Variants in CSMD1 observed in about 807,000 individuals in gnomAD.
CSMD1 encodes CUB and Sushi multiple domains 1.
In CSMD1, 213 loss-of-function variants were observed where a neutral mutation model predicts 417.5. The observed-to-expected ratio is 0.51, with a 90% confidence interval of 0.46 to 0.57. CSMD1 has a LOEUF of 0.57. Ranked by LOEUF, CSMD1 falls within the 20% of genes least tolerant of loss-of-function variation. The pLI is 0.00. For missense variants in CSMD1, 6,923 were observed against 4,529.7 expected (o/e 1.53, Z -15.17); for synonymous variants, 2,862 against 1,736.8 (o/e 1.65, Z -16.11).
intron 2 of CSMD1, among the ~76,000 whole-genome samples, chr8:4,504,539 T>C (rs1027768822): frequency 1.3e-5 from 2 of 152,242 alleles, no homozygotes; most frequent in Admixed American, 1.3e-4. Flanking sequence ...TAAATATACA[T>C]GTGCCATGAT....
chr8:4,156,059 G>T (rs893696228), intron 3 of CSMD1, among the ~76,000 whole-genome samples: 1 of 152,104 alleles, frequency 6.6e-6, no homozygotes, highest in Non-Finnish European at 1.5e-5. Context: ...GATTCCTACA[G>T]AAATGGAATT....
intron 12 of CSMD1, among the ~76,000 whole-genome samples, chr8:3,419,432 G>A (rs960781950): frequency 1.3e-5 from 2 of 152,116 alleles, no homozygotes; most frequent in African/African-American, 4.8e-5. Flanking sequence ...TAGAATTTCT[G>A]TTTTTCAAGT....
At chr8:3,967,680 G>T (rs1319134050) in intron 5 of CSMD1, among the ~76,000 whole-genome samples, 1 of 152,026 alleles carries the variant, frequency 6.6e-6, no homozygotes, top group Non-Finnish European at 1.5e-5. Flanking sequence ...AATACGTGCT[G>T]GGGTGAGCTT....
intron 8 of CSMD1, among the ~76,000 whole-genome samples, chr8:3,615,871 G>T (rs973688062): frequency 3.3e-5 from 5 of 152,002 alleles, no homozygotes; most frequent in African/African-American, 1.2e-4. Flanking sequence ...TTGTAAGATG[G>T]AAAATGTTAC....
intron 54 of CSMD1, among the ~76,000 whole-genome samples, chr8:2,986,672 T>C (rs576151106): frequency 1.3e-5 from 2 of 151,884 alleles, no homozygotes; most frequent in Admixed American, 6.6e-5. Context: ...GCCCAGCTAA[T>C]TTTTTGTATT....
intron 3 of CSMD1, among the ~76,000 whole-genome samples, chr8:4,166,740 C>T (rs964556998): frequency 1.3e-5 from 2 of 152,030 alleles, no homozygotes; most frequent in African/African-American, 4.8e-5. Flanking sequence ...CACCTATTGC[C>T]CCAAAACTAT....
chr8:4,262,726 C>A (rs999069855), intron 3 of CSMD1, among the ~76,000 whole-genome samples: 2 of 152,156 alleles, frequency 1.3e-5, no homozygotes, highest in South Asian at 2.1e-4. Flanking sequence ...AATCCACTTC[C>A]CTTTTGGCCC....
intron 3 of CSMD1, among the ~76,000 whole-genome samples, chr8:4,052,804 C>G (rs1159489735): frequency 6.6e-6 from 1 of 152,128 alleles, no homozygotes; most frequent in African/African-American, 2.4e-5. Flanking sequence ...CTTCCAGATA[C>G]TCTAACTGTG....
chr8:3,412,035 C>T (rs200483726), intron 12 of CSMD1, among the ~76,000 whole-genome samples: 3,789 of 21,034 alleles, frequency 0.18, 1,598 homozygotes, highest in Middle Eastern at 0.54. Context: ...CGTATATATA[C>T]ACATATATAC....
chr8:3,948,500 A>T (rs1258999785), intron 5 of CSMD1, among the ~76,000 whole-genome samples: 1 of 152,042 alleles, frequency 6.6e-6, no homozygotes, highest in Non-Finnish European at 1.5e-5. Context: ...TGTTTTGAAT[A>T]GTTTGTCTTC....
chr8:4,918,336 T>G (rs1435679937), intron 1 of CSMD1, among the ~76,000 whole-genome samples: 1 of 152,166 alleles, frequency 6.6e-6, no homozygotes, highest in Non-Finnish European at 1.5e-5. Context: ...CTTCTCTCTC[T>G]TTTCTTTTTG....
intron 41 of CSMD1, among the ~76,000 whole-genome samples, chr8:3,119,295 G>C (rs1380810188): frequency 6.8e-6 from 1 of 147,292 alleles, no homozygotes; most frequent in Non-Finnish European, 1.5e-5. Context: ...CTACCAGTCT[G>C]AGTACTCCTA....
In CSMD1 at chr8:4,747,825, A is replaced by G. The variant is rs547540208; in HGVS notation, c.86-110267T>C. Among the ~76,000 whole-genome samples the G allele has an allele frequency of 5.9e-5, 9 of 152,336 alleles. No homozygotes were observed. The South Asian group carries it at 1.7e-3, about 28-fold the overall frequency. On this transcript the variant is annotated intron_variant, in intron 1 of 69. Transcript: ENST00000635120. ...AACCCAGCCAAAGCATCATTTGTAA[A>G]TGTCTCTATTCATCAACTGTTCAGG...
At chr8:4,446,755 C>CTG (rs58002310) in intron 2 of CSMD1, among the ~76,000 whole-genome samples, 7,267 of 132,872 alleles carry the variant, frequency 0.055, 261 homozygotes, top group Non-Finnish European at 0.078. Context: ...GTGTGTGTGT[C>CTG]TGTGTGTGTG....
intron 3 of CSMD1, among the ~76,000 whole-genome samples, chr8:4,105,806 A>G (rs1386960215): frequency 3.9e-5 from 6 of 152,160 alleles, no homozygotes; most frequent in Non-Finnish European, 8.8e-5. Flanking sequence ...TGTCCTTTCC[A>G]CTGAGTTACT....
At chr8:3,904,452 G>T (rs76449647) in intron 5 of CSMD1, among the ~76,000 whole-genome samples, 1 of 152,110 alleles carries the variant, frequency 6.6e-6, no homozygotes, top group Non-Finnish European at 1.5e-5. Flanking sequence ...ATGTCCCAGA[G>T]ATTTCAGTAA....
At chr8:4,211,453 A>G (rs1563280464) in intron 3 of CSMD1, among the ~76,000 whole-genome samples, 1 of 152,248 alleles carries the variant, frequency 6.6e-6, no homozygotes, top group Non-Finnish European at 1.5e-5. Flanking sequence ...TTTACGCATG[A>G]CAAATGAGAA....
At chr8:3,857,051 T>C (rs1699368836) in intron 5 of CSMD1, among the ~76,000 whole-genome samples, 1 of 152,092 alleles carries the variant, frequency 6.6e-6, no homozygotes, top group South Asian at 2.1e-4. Context: ...GCTTCTTGTA[T>C]ATCCCACACT....
At chr8:3,384,732 T>TATTATATAAATATATATTTATATAA (rs1318791954) in intron 18 of CSMD1, among the ~76,000 whole-genome samples, 13 of 124,508 alleles carry the variant, frequency 1.0e-4, no homozygotes, top group Admixed American at 5.0e-4. Context: ...TATTTATATA[T>TATTATATAAATATATATTTATATAA]ATTATATAAA....
Sources: gnomAD v4.1 joint callset for allele counts (sites outside exome capture counted in the v4.1 genomes callset) on GRCh38, gnomAD v4.1.1 for gene constraint, MANE v1.5 for transcripts, NCBI Gene and HGNC (gene_info 2026-07-23, HGNC 2026-07-21) for gene names.